FREM2: variants seen among roughly 807,000 people sequenced by gnomAD.
FREM2 encodes the protein FRAS1 related extracellular matrix 2, also known as FRAS1-related extracellular matrix protein 2.
In FREM2, 119 loss-of-function variants were observed where a neutral mutation model predicts 219.9. That is an observed-to-expected ratio of 0.54 (90% confidence interval 0.47 to 0.63). FREM2 has a LOEUF of 0.63. Among genes scored for constraint, FREM2 ranks in the 30% least tolerant of loss-of-function variants. FREM2 has a pLI of 0.00. For missense variants in FREM2, 4,030 were observed against 3,993.6 expected (o/e 1.01, Z -0.25); for synonymous variants, 1,562 against 1,522.8 (o/e 1.03, Z -0.60).
intron 6 of FREM2, among the ~76,000 whole-genome samples, chr13:38,800,873 G>C (rs1279205715): frequency 6.6e-6 from 1 of 152,134 alleles, no homozygotes; most frequent in Non-Finnish European, 1.5e-5. Context: ...CAGGTGATCT[G>C]CCCATCTCAG....
At chr13:38,709,459 A>G (rs1450998715) in intron 2 of FREM2, among the ~76,000 whole-genome samples, 2 of 152,124 alleles carry the variant, frequency 1.3e-5, no homozygotes, top group African/African-American at 4.8e-5. Flanking sequence ...AGACACATAC[A>G]TGTATACAAA....
chr13:38,813,462 TTTTCTCTCTCTCTC>T (rs1464438170), intron 6 of FREM2, among the ~76,000 whole-genome samples: 1 of 118,950 alleles, frequency 8.4e-6, no homozygotes, highest in African/African-American at 3.2e-5. Flanking sequence ...ATGTTATTTG[TTTTCTCTCTCTCTC>T]TCTCTCTCTC....
chr13:38,778,811 C>T (rs1171203631), intron 4 of FREM2, among the ~76,000 whole-genome samples: 3 of 152,026 alleles, frequency 2.0e-5, no homozygotes, highest in African/African-American at 7.2e-5. Context: ...TTAACAAAAA[C>T]TCTAATAAAT....
At chr13:38,855,824 A>T (rs1877534832) in intron 11 of FREM2, among the ~76,000 whole-genome samples, 1 of 152,106 alleles carries the variant, frequency 6.6e-6, no homozygotes, top group African/African-American at 2.4e-5. Context: ...AGAAATCACC[A>T]CTCAAGAACT....
At position 38,691,129 on chromosome 13, in the gene FREM2, G is replaced by C. The variant is rs753652530; in HGVS notation, c.3785G>C (p.Ser1262Thr). The change falls in exon 1 of 24, where the codon AGC becomes ACC. Residue 1262 changes from serine to threonine, a missense_variant. Coordinates refer to ENST00000280481, the MANE Select transcript of FREM2 (RefSeq NM_207361.6). ...TTGGATCAGATCATAGAGAGTTCCA[G>C]CATTATTTATGAGCATGATGACTCC... ...FTLDQIIESS[S>T]IIYEHDDSET... 18 of 1,613,976 alleles carry C rather than the reference G, an allele frequency of 1.1e-5. No homozygotes were observed. In the African/African-American group the frequency reaches 2.4e-4, roughly 22 times the overall value.
intron 6 of FREM2, among the ~76,000 whole-genome samples, chr13:38,814,094 C>G (rs1447390100): frequency 6.6e-6 from 1 of 151,674 alleles, no homozygotes; most frequent in African/African-American, 2.4e-5. Flanking sequence ...TTCTGAATTC[C>G]TTCTCTGTGT....
chr13:38,787,348 A>G (rs1029746999), intron 6 of FREM2, among the ~76,000 whole-genome samples: 5 of 152,168 alleles, frequency 3.3e-5, no homozygotes, highest in African/African-American at 1.2e-4. Flanking sequence ...CACTTCTAAC[A>G]TCACTACTAT....
At chr13:38,835,339 T>G (rs1363004393) in intron 6 of FREM2, among the ~76,000 whole-genome samples, 1 of 152,244 alleles carries the variant, frequency 6.6e-6, no homozygotes, top group East Asian at 1.9e-4. Context: ...CATGCTGTTT[T>G]TGTTGCCATA....
intron 6 of FREM2, among the ~76,000 whole-genome samples, chr13:38,796,978 G>A (rs1222498472): frequency 6.6e-6 from 1 of 151,996 alleles, no homozygotes; most frequent in Non-Finnish European, 1.5e-5. Flanking sequence ...TTGGATTCAA[G>A]CAATCTTCCT....
At chr13:38,867,490 A>C (rs1172719077) in intron 16 of FREM2, among the ~76,000 whole-genome samples, 3 of 152,262 alleles carry the variant, frequency 2.0e-5, no homozygotes, top group African/African-American at 7.2e-5. Context: ...AGTGAAACTT[A>C]GAGATGTTGT....
At chr13:38,828,237 T>C (rs1460108159) in intron 6 of FREM2, among the ~76,000 whole-genome samples, 1 of 152,134 alleles carries the variant, frequency 6.6e-6, no homozygotes, top group Non-Finnish European at 1.5e-5. Context: ...AAAATGAGGA[T>C]GATAATAGTT....
chr13:38,861,466 G>A lies in FREM2; in HGVS notation c.7555G>A (p.Ala2519Thr), dbSNP rs781565449. Residue 2519 changes from alanine to threonine, a missense_variant, in exon 15 of 24, where the codon GCA becomes ACA. Coordinates refer to ENST00000280481, the MANE Select transcript of FREM2 (RefSeq NM_207361.6). Reference protein sequence around the residue: ...CQPRVPGVVGAEPFSAKLRYT... With the variant: ...CQPRVPGVVGTEPFSAKLRYT... ...GCCCCGTGTACCTGGGGTTGTTGGA[G>A]CAGAGCCGTTCTCAGCTAAATTGCG... is the stretch of plus-strand genomic sequence containing the variant. The A allele has an allele frequency of 1.6e-5, 26 of 1,610,314 alleles. No homozygotes were observed. The highest frequency in any genetic ancestry group is 2.1e-5 in the Non-Finnish European group (25 of 1,177,748).
chr13:38,757,694 A>G (rs1873068567), intron 2 of FREM2, among the ~76,000 whole-genome samples: 1 of 151,910 alleles, frequency 6.6e-6, no homozygotes, highest in Non-Finnish European at 1.5e-5. Context: ...TCCCAGGTTC[A>G]AGCAATTCTC....
rs775366681 is a variant in FREM2, at chr13:38,858,004, A to G, written c.7186A>G (p.Met2396Val). The change falls in exon 13 of 24, where the codon ATG becomes GTG. Residue 2396 changes from methionine to valine, a missense_variant. Physicochemically the swap from Met to Val is conservative, Grantham distance 21. Around this residue, in one of 2 missense-constraint regions of FREM2, gnomAD observed 928 missense variants for 1,042.9 expected, o/e 0.89. Transcript: ENST00000280481. ...CAAAGCTAAGGAGAGTGCTGAACCC[A>G]TGTCTGGCTATCCTGTCATCTGTAT... ...TSKAKESAEPMSGYPVICITA... is the reference protein window; with the variant it reads ...TSKAKESAEPVSGYPVICITA... The G allele has an allele frequency of 4.3e-6, 7 of 1,614,062 alleles. No individual in the cohort carries two copies. The South Asian group carries it at 6.6e-5, about 15-fold the overall frequency.
intron 4 of FREM2, among the ~76,000 whole-genome samples, chr13:38,772,586 A>G (rs557857640): frequency 1.3e-5 from 2 of 152,192 alleles, no homozygotes; most frequent in Non-Finnish European, 2.9e-5. Context: ...CATATGAACC[A>G]TTTTAGGCAT....
At chr13:38,847,333 C>T (rs997735676) in intron 7 of FREM2, among the ~76,000 whole-genome samples, 3 of 152,102 alleles carry the variant, frequency 2.0e-5, no homozygotes, top group African/African-American at 4.8e-5. Flanking sequence ...CAAACTTTCT[C>T]ATGTACACAC....
chr13:38,750,717 G>C (rs547913724), intron 2 of FREM2, among the ~76,000 whole-genome samples: 1 of 150,472 alleles, frequency 6.6e-6, no homozygotes, highest in African/African-American at 2.4e-5. Flanking sequence ...TTTTTGAGAC[G>C]AAGTCTCACT....
At chr13:38,859,210 G>T in intron 13 of FREM2, 77 bp from the exon 14 acceptor site, 1 of 1,442,962 alleles carries the variant, frequency 6.9e-7, no homozygotes, top group Admixed American at 1.7e-5. Context: ...GTGAAAACTC[G>T]ATGGCAGAGA....
chr13:38,690,592 G>A lies in FREM2; in HGVS notation c.3248G>A (p.Ser1083Asn), dbSNP rs757655305. Residue 1083 changes from serine to asparagine, a missense_variant, in exon 1 of 24, where the codon AGT becomes AAT. Ser to Asn is a conservative substitution (Grantham distance 46). Coordinates refer to ENST00000280481, the MANE Select transcript of FREM2 (RefSeq NM_207361.6). The part of the protein sequence containing the change: ...EQLIVMEGDK[S>N]VITSVHISAE... ...TTGATAGTAATGGAAGGTGATAAAA[G>A]TGTTATAACATCAGTGCATATAAGT... 5 of 1,613,972 alleles carry A rather than the reference G, an allele frequency of 3.1e-6. No individual in the cohort carries two copies. The African/African-American group carries it at 4.0e-5, about 13-fold the overall frequency.
Sources: allele counts gnomAD v4.1 joint callset (sites outside exome capture counted in the v4.1 genomes callset), GRCh38; gene constraint gnomAD v4.1.1; regional missense constraint gnomAD v4.1.1; transcripts MANE v1.5; gene names NCBI Gene and HGNC (gene_info 2026-07-23, HGNC 2026-07-21).